NEK10: variants seen among roughly 807,000 people sequenced by gnomAD.
The protein encoded by NEK10 is NIMA related kinase 10.
A neutral mutation model predicts 159.8 loss-of-function variants in NEK10; 122 were observed. The ratio of observed to expected loss-of-function variants is 0.76; its 90% confidence interval spans 0.66 to 0.89. The LOEUF is 0.89. Ranked by LOEUF, NEK10 falls within the 40% of genes least tolerant of loss-of-function variation. NEK10 has a pLI of 0.00. For synonymous variants in NEK10, 466 were observed against 457.1 expected, an observed-to-expected ratio of 1.02 and a Z score of -0.25; for missense variants, 1,342 against 1,323.1, an observed-to-expected ratio of 1.01 and a Z score of -0.22.
intron 22 of NEK10, among the ~76,000 whole-genome samples, chr3:27,267,271 AG>A (rs747736629): frequency 6.6e-6 from 1 of 152,156 alleles, no homozygotes; most frequent in Non-Finnish European, 1.5e-5. Flanking sequence ...CCTTGAGGAG[AG>A]GGGCTGTCTT....
Position 27,148,290 on chromosome 3 carries a change from C to T in NEK10, c.2870-6708G>A, listed in dbSNP as rs562125064. Among the ~76,000 whole-genome samples, 97 of 152,266 alleles carry T rather than the reference C, an allele frequency of 6.4e-4. 1 individual carries two copies. Among genetic ancestry groups the T allele is most frequent in the African/African-American group, 2.3e-3 (96 of 41,560 alleles). On this transcript the variant is annotated intron_variant, in intron 30 of 35. Coordinates refer to ENST00000691995, the MANE Select transcript of NEK10 (RefSeq NM_001394966.1). ...AAGGGAATTAATAGAAGCTTAATGA[C>T]TGATTCAATGATTAATACTCCCTTA...
chr3:27,161,929 T>A (rs564998899), intron 30 of NEK10, among the ~76,000 whole-genome samples: 28 of 151,686 alleles, frequency 1.8e-4, no homozygotes, highest in African/African-American at 6.5e-4. Context: ...CACTTGAACC[T>A]GGGAGGTGAA....
intron 12 of NEK10, 39 bp downstream of exon 12, chr3:27,304,708 C>CAAACAGGGCAAAGA (rs1212252531): frequency 7.3e-7 from 1 of 1,366,722 alleles, no homozygotes; most frequent in Non-Finnish European, 1.0e-6. Context: ...CAGACTTCAA[C>CAAACAGGGCAAAGA]AAACAGGGCA....
intron 35 of NEK10, 34 bp downstream of exon 35, chr3:27,115,906 T>C (rs756355844): frequency 2.3e-5 from 35 of 1,501,834 alleles, no homozygotes; most frequent in Non-Finnish European, 3.0e-5. Flanking sequence ...CCTCAATTCA[T>C]CTTTCACAAT....
intron 22 of NEK10, among the ~76,000 whole-genome samples, chr3:27,263,473 A>G (rs1041728701): frequency 1.3e-5 from 2 of 152,080 alleles, no homozygotes; most frequent in African/African-American, 4.8e-5. Flanking sequence ...ACCCAGTTTG[A>G]GCTTCCCGGC....
chr3:27,248,760 T>C (rs1955354590), intron 23 of NEK10, among the ~76,000 whole-genome samples: 1 of 152,206 alleles, frequency 6.6e-6, no homozygotes, highest in African/African-American at 2.4e-5. Context: ...TTTTAAGACT[T>C]GTTTTGTGAC....
At chr3:27,342,301 TA>T (rs2047253137) in intron 5 of NEK10, among the ~76,000 whole-genome samples, 1 of 152,104 alleles carries the variant, frequency 6.6e-6, no homozygotes, top group Non-Finnish European at 1.5e-5. Flanking sequence ...TCTATAAGTC[TA>T]AAGTTAGAAG....
chr3:27,180,610 C>T (rs1437521091), intron 26 of NEK10, among the ~76,000 whole-genome samples: 1 of 152,148 alleles, frequency 6.6e-6, no homozygotes, highest in East Asian at 1.9e-4. Flanking sequence ...AGGAATGAAA[C>T]ACCAAATTAG....
intron 28 of NEK10, among the ~76,000 whole-genome samples, chr3:27,173,727 T>C (rs761249348): frequency 2.6e-5 from 4 of 152,194 alleles, no homozygotes; most frequent in African/African-American, 9.6e-5. Context: ...TTTCTATCTA[T>C]GGTTTTTAAT....
At chr3:27,310,847 G>T in intron 9 of NEK10, 102 bp downstream of exon 9, 1 of 667,004 alleles carries the variant, frequency 1.5e-6, no homozygotes, top group African/African-American at 1.8e-5. Flanking sequence ...TAGGTTTGTG[G>T]ATTCTAATTA....
chr3:27,175,541 A>G (rs1947420864), intron 26 of NEK10, among the ~76,000 whole-genome samples: 1 of 152,230 alleles, frequency 6.6e-6, no homozygotes, highest in African/African-American at 2.4e-5. Flanking sequence ...AAATTAATTA[A>G]TTAATGCCAC....
At chr3:27,114,718 A>T (rs1940123502) in intron 35 of NEK10, among the ~76,000 whole-genome samples, 1 of 152,200 alleles carries the variant, frequency 6.6e-6, no homozygotes, top group East Asian at 1.9e-4. Flanking sequence ...GTCACAAAAT[A>T]GCTTCAATAA....
chr3:27,357,374 A>G (rs1399066320), intron 1 of NEK10, among the ~76,000 whole-genome samples: 1 of 152,246 alleles, frequency 6.6e-6, no homozygotes, highest in African/African-American at 2.4e-5. Context: ...AAACTCTTTT[A>G]TAAATAAAAT....
At position 27,344,286 on chromosome 3, in the gene NEK10, A is replaced by G. The variant is rs1380257358; in HGVS notation, c.348T>C (p.Asn116=). ...FQEIFTALVK[N]RLISREWVNR... Reference sequence around the variant, plus strand: ...AACAATCTTACCTGCTTATGAGTCTATTTTTCACCAAGGCGGTAAAGATCT... The same window carrying G: ...AACAATCTTACCTGCTTATGAGTCTGTTTTTCACCAAGGCGGTAAAGATCT... Residue 116 remains asparagine (N), a synonymous_variant, in exon 5 of 36, where the codon AAT becomes AAC. Transcript: ENST00000691995. 6.3e-7 allele frequency: 1 copy of G among 1,575,844 alleles called. No individual in the cohort carries two copies. Among genetic ancestry groups the G allele is most frequent in the East Asian group, 2.2e-5 (1 of 44,620 alleles).
chr3:27,325,876 C>T (rs2045965061), intron 5 of NEK10, among the ~76,000 whole-genome samples: 1 of 152,324 alleles, frequency 6.6e-6, no homozygotes, highest in African/African-American at 2.4e-5. Context: ...AGCTATGCTG[C>T]CCACCACAGT....
At chr3:27,143,613 G>A in intron 30 of NEK10, 3 of 477,898 alleles carry the variant, frequency 6.3e-6, no homozygotes, top group Admixed American at 3.9e-5. Flanking sequence ...CTTGACTTCT[G>A]GAAATACTTT....
intron 30 of NEK10, 177 bp downstream of exon 30, chr3:27,162,524 A>C (rs1459348044): frequency 6.2e-7 from 1 of 1,614,110 alleles, no homozygotes; most frequent in Non-Finnish European, 8.5e-7. Context: ...CCTGTCACTA[A>C]CTCAGCCTCT....
At chr3:27,270,491 G>T (rs1206885063) in intron 22 of NEK10, among the ~76,000 whole-genome samples, 3 of 152,086 alleles carry the variant, frequency 2.0e-5, no homozygotes, top group African/African-American at 4.8e-5. Context: ...CTGACCCTCA[G>T]AAATGATAAG....
chr3:27,337,955 A>G (rs1459473219), intron 5 of NEK10, among the ~76,000 whole-genome samples: 1 of 151,946 alleles, frequency 6.6e-6, no homozygotes, highest in Non-Finnish European at 1.5e-5. Context: ...TTCTTCTTTT[A>G]TTATTATACT....
Sources: gnomAD v4.1 joint callset for allele counts (sites outside exome capture counted in the v4.1 genomes callset) on GRCh38, gnomAD v4.1.1 for gene constraint, MANE v1.5 for transcripts, NCBI Gene and HGNC (gene_info 2026-07-23, HGNC 2026-07-21) for gene names.